The following SPRY2 variants were observed in gnomAD, a reference collection of about 807,000 sequenced individuals.
SPRY2 encodes protein sprouty homolog 2.
In SPRY2, 10 loss-of-function variants were observed where a neutral mutation model predicts 23.4. The ratio of observed to expected loss-of-function variants is 0.43; its 90% CI spans 0.26 to 0.73. The LOEUF (loss-of-function observed/expected upper bound fraction) is 0.73. Ranked by LOEUF, SPRY2 falls within the 30% of genes least tolerant of loss-of-function variation. SPRY2 has a pLI of 0.22. For missense variants in SPRY2, 344 were observed against 396.9 expected, an observed-to-expected ratio of 0.87 and a Z score of 1.13; for synonymous variants, 170 against 156.9, an observed-to-expected ratio of 1.08 and a Z score of -0.62.
At chr13:80,340,435 G>A (rs1306684469) in intron 1 of SPRY2, among the ~76,000 whole-genome samples, 187 bp downstream of exon 1, 2 of 152,216 alleles carry the variant, frequency 1.3e-5, no homozygotes, top group Non-Finnish European at 2.9e-5. Context: ...GAGGCAGGCC[G>A]AGCCCAAGCC....
In SPRY2 at chr13:80,336,661, A is replaced by T; in HGVS notation, c.*97T>A. 1 of 1,257,474 alleles carries T rather than the reference A, an allele frequency of 8.0e-7. No homozygotes were observed. The highest frequency in any genetic ancestry group is 1.1e-6 in the Non-Finnish European group (1 of 885,924). 77.9% of individuals were successfully genotyped at this position (1,257,474 alleles called of 1,614,324 possible). A position where few individuals can be genotyped will look rare whatever the true frequency, so the allele number is the denominator to read the frequency against. ...GCAAAGACTATCCCACCTTTCTATT[A>T]ACAGTGCCAAGATTATAACTGTTTA... On this transcript the variant is annotated 3_prime_UTR_variant, in exon 2 of 2. Coordinates refer to ENST00000377104, the MANE Select transcript of SPRY2 (RefSeq NM_005842.4).
rs1593916865 is a variant in SPRY2, at chr13:80,340,863, C to T, written c.-293G>A. ...TACAAGCGCACGCGGAGTATTTCCT[C>T]TTTTTTCTCAATGAACAAGAGGCCG... On this transcript the variant is annotated 5_prime_UTR_variant, in exon 1 of 2. Transcript: ENST00000377104. The T allele has an allele frequency of 6.6e-6, 1 of 152,224 alleles. No homozygotes were observed. The allele number at this position is 152,224 out of a possible 1,614,324, so 9.4% of individuals were successfully genotyped here. A position where few individuals can be genotyped will look rare whatever the true frequency, so the allele number is the denominator to read the frequency against.
chr13:80,339,864 G>C (rs1024670151), intron 1 of SPRY2, among the ~76,000 whole-genome samples: 1 of 152,222 alleles, frequency 6.6e-6, no homozygotes, highest in Non-Finnish European at 1.5e-5. Context: ...CTACTTTCAG[G>C]TAATGGAAAA....
At position 80,337,176 on chromosome 13, in the gene SPRY2, C is replaced by G. The variant is rs1880298922; in HGVS notation, c.530G>C (p.Arg177Thr). 12 of 1,613,208 alleles carry G rather than the reference C, an allele frequency of 7.4e-6. No individual in the cohort carries two copies. Among genetic ancestry groups the G allele is most frequent in the Non-Finnish European group, 9.3e-6 (11 of 1,179,166 alleles). The part of the protein sequence containing the change: ...SKEDLGLHAY[R>T]CEDCGKCKCK... ...TTTGCACTTGCCACAGTCCTCACACCTGTAGGCGTGCAGGCCCAAATCTTC... is the reference window on the plus strand; with the variant it reads ...TTTGCACTTGCCACAGTCCTCACACGTGTAGGCGTGCAGGCCCAAATCTTC... Residue 177 changes from arginine to threonine, a missense_variant, in exon 2 of 2, where the codon AGG becomes ACG. Coordinates refer to ENST00000377104, the MANE Select transcript of SPRY2 (RefSeq NM_005842.4).
At chr13:80,338,739 C>A (rs1880387225) in intron 1 of SPRY2, 1 of 152,230 alleles carries the variant, frequency 6.6e-6, no homozygotes, top group Non-Finnish European at 1.5e-5. Flanking sequence ...GGACCTTTAT[C>A]CGATCTCCGC....
Position 80,336,700 on chromosome 13 carries a change from G to A in SPRY2, c.*58C>T. ...TATAACTGTTTAGTTGGTTGCATATGTGTATTAAAAAAAGAAAGAAAAAAT... is the reference window on the plus strand; with the variant it reads ...TATAACTGTTTAGTTGGTTGCATATATGTATTAAAAAAAGAAAGAAAAAAT... On this transcript the variant is annotated 3_prime_UTR_variant, in exon 2 of 2. Coordinates refer to ENST00000377104, the MANE Select transcript of SPRY2 (RefSeq NM_005842.4). 1 of 1,479,412 alleles carries A rather than the reference G, an allele frequency of 6.8e-7. No individual in the cohort carries two copies. The highest frequency in any genetic ancestry group is 9.3e-7 in the Non-Finnish European group (1 of 1,075,042). 91.6% of individuals were successfully genotyped at this position (1,479,412 alleles called of 1,614,324 possible). A position where few individuals can be genotyped will look rare whatever the true frequency, so the allele number is the denominator to read the frequency against.
At chr13:80,340,130 C>T (rs1000937830) in intron 1 of SPRY2, among the ~76,000 whole-genome samples, 2 of 152,236 alleles carry the variant, frequency 1.3e-5, no homozygotes, top group Non-Finnish European at 2.9e-5. Context: ...GCCCCCGAGG[C>T]GGGCAACCTG....
At chr13:80,340,359 T>C (rs982910247) in intron 1 of SPRY2, among the ~76,000 whole-genome samples, 2 of 152,184 alleles carry the variant, frequency 1.3e-5, no homozygotes, top group African/African-American at 4.8e-5. Context: ...CCCAACCCCC[T>C]AGAGCGCGGG....
rs570823203 is a variant in SPRY2, at chr13:80,336,285, C to G, written c.*473G>C. ...AGGCAAAATACAATCTAAAAACATACTGATTGATTCACATTCTTCCGAATG... is the reference window on the plus strand; with the variant it reads ...AGGCAAAATACAATCTAAAAACATAGTGATTGATTCACATTCTTCCGAATG... On this transcript the variant is annotated 3_prime_UTR_variant, in exon 2 of 2. Transcript: ENST00000377104. 1.0e-5 allele frequency: 2 copies of G among 200,598 alleles called. No individual in the cohort carries two copies. Among genetic ancestry groups the G allele is most frequent in the Non-Finnish European group, 2.0e-5 (2 of 97,572 alleles). 12.4% of individuals were successfully genotyped at this position (200,598 alleles called of 1,614,324 possible). A position where few individuals can be genotyped will look rare whatever the true frequency, so the allele number is the denominator to read the frequency against.
intron 1 of SPRY2, 136 bp from the exon 2 acceptor site, chr13:80,337,892 G>C (rs948846667): frequency 1.5e-6 from 1 of 677,678 alleles, no homozygotes; most frequent in Non-Finnish European, 2.7e-6. Context: ...GGAGGTATTA[G>C]CCATATGATC....
In SPRY2 at chr13:80,336,546, T is replaced by G; in HGVS notation, c.*212A>C. ...ATGCAATACATGGGTCACCAAGTTC[T>G]GTATCTCATACTTTGAGCTCCATTA... On this transcript the variant is annotated 3_prime_UTR_variant, in exon 2 of 2. Transcript: ENST00000377104. 1 of 631,276 alleles carries G rather than the reference T, an allele frequency of 1.6e-6. No individual in the cohort carries two copies. Among genetic ancestry groups the G allele is most frequent in the Non-Finnish European group, 2.8e-6 (1 of 362,510 alleles). 39.1% of individuals were successfully genotyped at this position (631,276 alleles called of 1,614,324 possible). A position where few individuals can be genotyped will look rare whatever the true frequency, so the allele number is the denominator to read the frequency against.
Position 80,337,670 on chromosome 13 carries a change from C to G in SPRY2, c.36G>C (p.Gln12His). ...CGTCACGGGGCGTCTGCAGCAAGGGCTGCGACCCGTTGCCACTCTGAGCTC... is the reference window on the plus strand; with the variant it reads ...CGTCACGGGGCGTCTGCAGCAAGGGGTGCGACCCGTTGCCACTCTGAGCTC... Reference protein sequence around the residue: ...EARAQSGNGSQPLLQTPRDGG... With the variant: ...EARAQSGNGSHPLLQTPRDGG... The change falls in exon 2 of 2, where the codon CAG (glutamine) becomes CAC (histidine). Residue 12 changes from glutamine (Q) to histidine (H), a missense_variant. Transcript: ENST00000377104. The G allele has an allele frequency of 6.2e-7, 1 of 1,613,108 alleles. No individual in the cohort carries two copies. The highest frequency in any genetic ancestry group is 8.5e-7 in the Non-Finnish European group (1 of 1,180,034).
rs765001458 is a variant in SPRY2 at position 80,337,499 on chromosome 13, A to G, written c.207T>C (p.Pro69=). The change falls in exon 2 of 2, where the codon CCT becomes CCC. Residue 69 remains proline (P), a synonymous_variant. Transcript: ENST00000377104. The part of the protein sequence containing the change: ...PTVVPRPGLK[P]APRPSTQHKH... Reference sequence around the variant, plus strand: ...TGTGCTGAGTGGAGGGGCGAGGAGCAGGCTTGAGCCCAGGTCTTGGGACGA... The same window carrying G: ...TGTGCTGAGTGGAGGGGCGAGGAGCGGGCTTGAGCCCAGGTCTTGGGACGA... 1.9e-6 allele frequency: 3 copies of G among 1,614,046 alleles called. No individual in the cohort carries two copies. In the African/African-American group the frequency reaches 4.0e-5, roughly 22 times the overall value.
Position 80,337,224 on chromosome 13 carries a change from C to T in SPRY2, c.482G>A (p.Gly161Asp). The T allele has an allele frequency of 1.2e-6, 2 of 1,611,728 alleles. No homozygotes were observed. The highest frequency in any genetic ancestry group is 1.1e-5 in the South Asian group (1 of 91,044). The change falls in exon 2 of 2, where the codon GGT (glycine) becomes GAT (aspartate). Residue 161 changes from glycine (G) to aspartate (D), a missense_variant. Physicochemically the swap from Gly to Asp is moderately conservative, Grantham distance 94. Transcript: ENST00000377104. ...RVQPKSELKP[G>D]ELKPLSKEDL... Reference sequence around the variant, plus strand: ...TTCCTTGCTCAGTGGCTTAAGCTCACCTGGCTTGAGCTCAGATTTGGGTTG... The same window carrying T: ...TTCCTTGCTCAGTGGCTTAAGCTCATCTGGCTTGAGCTCAGATTTGGGTTG...
Position 80,337,722 on chromosome 13 carries a change from G to A in SPRY2, c.-17C>T. On this transcript the variant is annotated 5_prime_UTR_variant, in exon 2 of 2. Coordinates refer to ENST00000377104, the MANE Select transcript of SPRY2 (RefSeq NM_005842.4). ...GGCCTCCATCAGGTCTTGGAAGTGTGGTCACTCCAGCAGGCTTAGAACACA... is the reference window on the plus strand; with the variant it reads ...GGCCTCCATCAGGTCTTGGAAGTGTAGTCACTCCAGCAGGCTTAGAACACA... 1 of 1,604,406 alleles carries A rather than the reference G, an allele frequency of 6.2e-7. No homozygotes were observed. The highest frequency in any genetic ancestry group is 2.2e-5 in the East Asian group (1 of 44,848).
Position 80,337,083 on chromosome 13 carries a change from G to A in SPRY2, c.623C>T (p.Ser208Leu). 4 of 1,614,216 alleles carry A rather than the reference G, an allele frequency of 2.5e-6. No individual in the cohort carries two copies. The highest frequency in any genetic ancestry group is 3.4e-6 in the Non-Finnish European group (4 of 1,180,046). Residue 208 changes from serine to leucine, a missense_variant, in exon 2 of 2, where the codon TCG becomes TTG. Physicochemically the swap from Ser to Leu is moderately radical, Grantham distance 145. Transcript: ENST00000377104. ...DWICDKQCLCSAQNVIDYGTC... is the reference protein window; with the variant it reads ...DWICDKQCLCLAQNVIDYGTC... ...CCCATAGTCAATCACGTTCTGGGCCGAGCAAAGGCACTGCTTGTCGCAGAT... is the reference window on the plus strand; with the variant it reads ...CCCATAGTCAATCACGTTCTGGGCCAAGCAAAGGCACTGCTTGTCGCAGAT...
At chr13:80,338,962 G>A (rs1880396423) in intron 1 of SPRY2, 1 of 152,332 alleles carries the variant, frequency 6.6e-6, no homozygotes, top group Non-Finnish European at 1.5e-5. Flanking sequence ...TTCTCCAGGC[G>A]GACTGACGCT....
chr13:80,337,278 C>G lies in SPRY2; in HGVS notation c.428G>C (p.Gly143Ala). The G allele has an allele frequency of 6.2e-7, 1 of 1,613,648 alleles. No individual in the cohort carries two copies. Among genetic ancestry groups the G allele is most frequent in the African/African-American group, 1.3e-5 (1 of 75,016 alleles). The part of the protein sequence containing the change: ...QRLLGSSFSS[G>A]PVADGIIRVQ... ...CCGGATTATGCCATCAGCAACAGGC[C>G]CGGAGGAGAAGGATGATCCTAGCAG... The change falls in exon 2 of 2, where the codon GGG (glycine) becomes GCG (alanine). Residue 143 changes from glycine (G) to alanine (A), a missense_variant. Gly to Ala is a moderately conservative substitution (Grantham distance 60). Coordinates refer to ENST00000377104, the MANE Select transcript of SPRY2 (RefSeq NM_005842.4).
intron 1 of SPRY2, chr13:80,339,216 C>T (rs1278305661): frequency 6.6e-6 from 1 of 152,260 alleles, no homozygotes; most frequent in Non-Finnish European, 1.5e-5. Context: ...GGACATCCGG[C>T]ACAGGTTTCC....
Sources: allele counts gnomAD v4.1 joint callset (sites outside exome capture counted in the v4.1 genomes callset), GRCh38; gene constraint gnomAD v4.1.1; transcripts MANE v1.5; gene names NCBI Gene and HGNC (gene_info 2026-07-23, HGNC 2026-07-21).